The following DPP8 variants were observed in gnomAD, a reference collection of about 807,000 sequenced individuals.
The protein encoded by DPP8 is dipeptidyl peptidase 8.
DPP8 carries 31 observed loss-of-function variants against 107.5 expected under a neutral mutation model. That is an observed-to-expected ratio of 0.29 (90% confidence interval 0.22 to 0.39). The LOEUF is 0.39. DPP8 is among the 10% of genes least tolerant of loss of function. DPP8 has a pLI of 1.00. For missense variants in DPP8, 842 were observed against 1,076.1 expected, an observed-to-expected ratio of 0.78 and a Z score of 3.04; for synonymous variants, 381 against 356.6, an observed-to-expected ratio of 1.07 and a Z score of -0.77.
chr15:65,507,440 A>G (rs2070191478), intron 2 of DPP8, 85 bp from the exon 3 acceptor site: 1 of 766,356 alleles, frequency 1.3e-6, no homozygotes, highest in Non-Finnish European at 2.2e-6. Flanking sequence ...AATGCCTTCT[A>G]TACACTGCAA....
At chr15:65,496,488 C>T (rs1283924487) in intron 5 of DPP8, among the ~76,000 whole-genome samples, 1 of 152,132 alleles carries the variant, frequency 6.6e-6, no homozygotes, top group Non-Finnish European at 1.5e-5. Flanking sequence ...TTGTATGAAA[C>T]CTTTAGAGGA....
chr15:65,476,298 A>G (rs1026865762), intron 11 of DPP8, among the ~76,000 whole-genome samples: 7 of 152,308 alleles, frequency 4.6e-5, no homozygotes, highest in Admixed American at 3.9e-4. Flanking sequence ...AGTACTTTAA[A>G]TACTATAGAC....
chr15:65,485,266 G>T, intron 7 of DPP8, 106 bp from the exon 8 acceptor site: 1 of 825,846 alleles, frequency 1.2e-6, no homozygotes, highest in Non-Finnish European at 2.0e-6. Context: ...CGTATAGGTC[G>T]GGTGCAGTGG....
intron 5 of DPP8, among the ~76,000 whole-genome samples, chr15:65,496,234 C>T (rs558363700): frequency 2.6e-5 from 4 of 152,192 alleles, no homozygotes; most frequent in African/African-American, 9.6e-5. Context: ...CTGCCCGCCT[C>T]GGCCTTCCAA....
intron 1 of DPP8, chr15:65,515,552 A>C: frequency 1.0e-6 from 1 of 971,782 alleles, no homozygotes; most frequent in South Asian, 1.5e-5. Context: ...TGAATTTTCT[A>C]ATGTCAAAAA....
At chr15:65,455,956 T>TA in intron 16 of DPP8, 1 of 900,970 alleles carries the variant, frequency 1.1e-6, no homozygotes, top group Non-Finnish European at 1.6e-6. Flanking sequence ...TGCTGAAAGC[T>TA]AAATGGTGCT....
At chr15:65,470,443 T>C (rs1308233969) in intron 12 of DPP8, among the ~76,000 whole-genome samples, 1 of 150,938 alleles carries the variant, frequency 6.6e-6, no homozygotes, top group Non-Finnish European at 1.5e-5. Flanking sequence ...CCGTCTCTAC[T>C]AAAAATACAA....
intron 16 of DPP8, among the ~76,000 whole-genome samples, chr15:65,454,800 C>T (rs2064269738): frequency 6.6e-6 from 1 of 152,216 alleles, no homozygotes; most frequent in Non-Finnish European, 1.5e-5. Context: ...GCTGGGATTA[C>T]AGGCGTGAGC....
intron 2 of DPP8, among the ~76,000 whole-genome samples, chr15:65,508,089 A>C (rs2070295806): frequency 6.6e-6 from 1 of 151,534 alleles, no homozygotes; most frequent in African/African-American, 2.4e-5. Flanking sequence ...AATACAAAAA[A>C]ATTAGCTGGG....
intron 11 of DPP8, among the ~76,000 whole-genome samples, chr15:65,476,164 G>A (rs1567197031): frequency 6.6e-6 from 1 of 152,044 alleles, no homozygotes; most frequent in African/African-American, 2.4e-5. Flanking sequence ...CTATTGCTGT[G>A]GGGAGTGACA....
rs143947126 is a variant in DPP8, at chr15:65,489,821, G to A, written c.826+368C>T. Among the ~76,000 whole-genome samples the A allele has an allele frequency of 2.0e-5, 3 of 152,072 alleles. No individual in the cohort carries two copies. In the East Asian group the frequency reaches 5.8e-4, roughly 29 times the overall value. On this transcript the variant is annotated intron_variant, in intron 6 of 19. Transcript: ENST00000300141. ...TAACCTCTGTCTCCTGGGTTCAGGC[G>A]ATTCTCCTGCTTCAGCCTCCCGCGT...
At chr15:65,500,225 C>G (rs1224916618) in intron 4 of DPP8, among the ~76,000 whole-genome samples, 1 of 152,074 alleles carries the variant, frequency 6.6e-6, no homozygotes, top group Non-Finnish European at 1.5e-5. Context: ...TCAAGACCAG[C>G]CTGACCAACA....
At chr15:65,448,901 TATATATATATATATATATATA>T in intron 19 of DPP8, among the ~76,000 whole-genome samples, 1 of 86,148 alleles carries the variant, frequency 1.2e-5, no homozygotes, top group African/African-American at 4.8e-5. Flanking sequence ...TATATATATA[TATATATATATATATATATATA>T]TTTAGCCTGG....
intron 11 of DPP8, among the ~76,000 whole-genome samples, chr15:65,476,524 C>T (rs1044803992): frequency 3.9e-5 from 6 of 152,064 alleles, no homozygotes; most frequent in South Asian, 2.1e-4. Flanking sequence ...ATCATCCGAA[C>T]GTAGACAAAT....
chr15:65,516,473 T>C (rs919104624), intron 1 of DPP8: 2 of 151,226 alleles, frequency 1.3e-5, no homozygotes, highest in Non-Finnish European at 2.9e-5. Context: ...CATCTGTTAC[T>C]CTATAAGTTT....
rs1423063371 is a variant in DPP8, at chr15:65,500,773, G to C, written c.379C>G (p.Leu127Val). The C allele has an allele frequency of 1.9e-6, 3 of 1,609,870 alleles. No homozygotes were observed. Among genetic ancestry groups the C allele is most frequent in the South Asian group, 2.2e-5 (2 of 90,600 alleles). The change falls in exon 4 of 20, where the codon CTG becomes GTG. Residue 127 changes from leucine to valine, a missense_variant. By Grantham distance (32) the Leu-to-Val change is conservative. This residue lies in a region of DPP8 where 663 missense variants were observed against 758.0 expected (regional missense o/e 0.87). Coordinates refer to ENST00000300141, the MANE Select transcript of DPP8 (RefSeq NM_130434.5). ...TCTCGAGAATACATTCCATAGTCCA[G>C]TGTTGCCTAATGTGAAAGGAAAGTC... ...KPLLDLFQAT[L>V]DYGMYSREEE...
At chr15:65,512,723 C>G in intron 1 of DPP8, 159 bp from the exon 2 acceptor site, 1 of 672,534 alleles carries the variant, frequency 1.5e-6, no homozygotes, top group Non-Finnish European at 2.5e-6. Flanking sequence ...AGCAACAGCT[C>G]TCCCTTCTCT....
chr15:65,490,370 GT>G, intron 5 of DPP8, 71 bp from the exon 6 acceptor site: 1 of 959,914 alleles, frequency 1.0e-6, no homozygotes. Flanking sequence ...AAATGATTCA[GT>G]TTATTTGGAA....
At chr15:65,455,707 C>G in intron 16 of DPP8, 4 of 1,234,266 alleles carry the variant, frequency 3.2e-6, no homozygotes, top group Non-Finnish European at 4.1e-6. Context: ...ATCCCCATGT[C>G]TTACTCAGCA....
Sources: gnomAD v4.1 joint callset for allele counts (sites outside exome capture counted in the v4.1 genomes callset) on GRCh38, gnomAD v4.1.1 for gene constraint, gnomAD v4.1.1 regional missense constraint, MANE v1.5 for transcripts, NCBI Gene and HGNC (gene_info 2026-07-23, HGNC 2026-07-21) for gene names.